EIF4G3: variants seen among roughly 807,000 people sequenced by gnomAD.
EIF4G3 encodes the protein eukaryotic translation initiation factor 4 gamma 3.
A neutral mutation model predicts 186.4 loss-of-function variants in EIF4G3; 34 were observed. That is an observed-to-expected ratio of 0.18 (90% CI 0.14 to 0.24). The LOEUF (loss-of-function observed/expected upper bound fraction) is 0.24. EIF4G3 is among the 10% of genes least tolerant of loss of function. The pLI is 1.00. For missense variants in EIF4G3, 1,536 were observed against 1,948.5 expected, an observed-to-expected ratio of 0.79 and a Z score of 3.99; for synonymous variants, 673 against 679.5, an observed-to-expected ratio of 0.99 and a Z score of 0.15.
chr1:20,860,945 C>T (rs2076186483), intron 23 of EIF4G3, among the ~76,000 whole-genome samples: 1 of 152,182 alleles, frequency 6.6e-6, no homozygotes, highest in South Asian at 2.1e-4. Context: ...CAGATCATAT[C>T]ACATTCCATA....
chr1:20,808,407 C>T (rs910463430), intron 36 of EIF4G3, among the ~76,000 whole-genome samples: 7 of 151,868 alleles, frequency 4.6e-5, no homozygotes, highest in South Asian at 4.2e-4. Context: ...GGTGGCCGGG[C>T]GCGGTGGCTC....
At chr1:21,136,807 C>T (rs2097254151) in intron 2 of EIF4G3, among the ~76,000 whole-genome samples, 2 of 152,156 alleles carry the variant, frequency 1.3e-5, no homozygotes, top group Non-Finnish European at 2.9e-5. Flanking sequence ...AGTATTTACA[C>T]TTGAATATAT....
chr1:21,111,789 A>G (rs2096732112), intron 2 of EIF4G3, among the ~76,000 whole-genome samples: 1 of 152,240 alleles, frequency 6.6e-6, no homozygotes, highest in Non-Finnish European at 1.5e-5. Flanking sequence ...TCCTGAAAGA[A>G]TGTCTCTCTG....
At chr1:21,025,181 A>G (rs1000409521) in intron 4 of EIF4G3, among the ~76,000 whole-genome samples, 1 of 152,216 alleles carries the variant, frequency 6.6e-6, no homozygotes, top group African/African-American at 2.4e-5. Flanking sequence ...ATAGAAGTGC[A>G]TGAGGTAGAG....
chr1:20,979,820 G>A (rs1210060396), intron 10 of EIF4G3, among the ~76,000 whole-genome samples: 5 of 150,234 alleles, frequency 3.3e-5, no homozygotes, highest in African/African-American at 4.9e-5. Context: ...GCGTGATCTC[G>A]GCTCACTGCA....
At chr1:20,823,485 G>A (rs1406200408) in intron 33 of EIF4G3, among the ~76,000 whole-genome samples, 1 of 151,988 alleles carries the variant, frequency 6.6e-6, no homozygotes, top group Non-Finnish European at 1.5e-5. Flanking sequence ...ACGCTCTAGT[G>A]ATCCTTCTGC....
chr1:20,962,907 TG>T (rs67167099), intron 12 of EIF4G3, among the ~76,000 whole-genome samples: 42 of 118,998 alleles, frequency 3.5e-4, no homozygotes, highest in East Asian at 6.3e-4. Context: ...CTTGTAGTTT[TG>T]TTTTTTTTTT....
chr1:20,828,291 A>G (rs1416678595), intron 31 of EIF4G3, among the ~76,000 whole-genome samples: 2 of 152,022 alleles, frequency 1.3e-5, no homozygotes, highest in Non-Finnish European at 2.9e-5. Context: ...CGGCCTCCCA[A>G]AGTGCTGGGA....
At position 21,065,161 on chromosome 1, in the gene EIF4G3, T is replaced by C. The variant is rs997074387; in HGVS notation, c.-195-14167A>G. 3.3e-5 allele frequency among the ~76,000 whole-genome samples: 5 copies of C among 152,206 alleles called. No homozygotes were observed. The East Asian group carries it at 9.6e-4, about 29-fold the overall frequency. On this transcript the variant is annotated intron_variant, in intron 3 of 36. Transcript: ENST00000602326. ...GGTATTAATAAATCTCAGATTTTAG[T>C]ATTCAACTATAAGCATAAATTCAAT...
At chr1:21,040,687 G>C (rs1478104088) in intron 4 of EIF4G3, among the ~76,000 whole-genome samples, 1 of 152,222 alleles carries the variant, frequency 6.6e-6, no homozygotes, top group African/African-American at 2.4e-5. Context: ...TAATTTAACT[G>C]TGTTGTTATT....
intron 12 of EIF4G3, among the ~76,000 whole-genome samples, chr1:20,964,996 C>G (rs2074293485): frequency 6.6e-6 from 1 of 152,192 alleles, no homozygotes; most frequent in Non-Finnish European, 1.5e-5. Context: ...GTCTTCAGAG[C>G]TCCCCTATCA....
chr1:20,999,180 G>A (rs1000927728), intron 6 of EIF4G3, among the ~76,000 whole-genome samples: 1 of 152,156 alleles, frequency 6.6e-6, no homozygotes, highest in Non-Finnish European at 1.5e-5. Context: ...GTGCATTAAT[G>A]ACCTACAAGC....
chr1:20,813,475 G>A (rs2059672940), intron 34 of EIF4G3, among the ~76,000 whole-genome samples: 1 of 151,878 alleles, frequency 6.6e-6, no homozygotes, highest in Non-Finnish European at 1.5e-5. Context: ...AGACTAAGGT[G>A]GGAGGACTGC....
At chr1:20,844,064 C>T (rs1434172170) in intron 29 of EIF4G3, among the ~76,000 whole-genome samples, 1 of 152,124 alleles carries the variant, frequency 6.6e-6, no homozygotes, top group Non-Finnish European at 1.5e-5. Flanking sequence ...CGTTGATGGG[C>T]ATTTAGGTTG....
chr1:20,821,095 CA>C (rs1012350355), intron 33 of EIF4G3, among the ~76,000 whole-genome samples: 3 of 151,868 alleles, frequency 2.0e-5, no homozygotes, highest in African/African-American at 7.3e-5. Flanking sequence ...GGTTTCTGGC[CA>C]AAAAAATCGA....
intron 2 of EIF4G3, among the ~76,000 whole-genome samples, chr1:21,092,533 T>A (rs1339370475): frequency 6.6e-6 from 1 of 152,080 alleles, no homozygotes; most frequent in Non-Finnish European, 1.5e-5. Flanking sequence ...CCCAAGGTAA[T>A]TTATAGATTC....
intron 4 of EIF4G3, among the ~76,000 whole-genome samples, chr1:21,034,225 G>T (rs972485514): frequency 7.2e-5 from 11 of 152,100 alleles, no homozygotes; most frequent in African/African-American, 2.7e-4. Context: ...CAACACCAGG[G>T]ACATTAGTAC....
intron 2 of EIF4G3, among the ~76,000 whole-genome samples, chr1:21,153,723 C>T (rs895156090): frequency 6.6e-5 from 10 of 152,158 alleles, no homozygotes; most frequent in African/African-American, 1.9e-4. Context: ...TGCCACCACA[C>T]CCGACTAATT....
chr1:20,829,616 A>C (rs553190543), intron 30 of EIF4G3, among the ~76,000 whole-genome samples: 132 of 152,316 alleles, frequency 8.7e-4, no homozygotes, highest in Non-Finnish European at 1.7e-3. Context: ...TTCTAGGGGA[A>C]AAATTATCCA....
Sources: gnomAD v4.1 joint callset for allele counts (sites outside exome capture counted in the v4.1 genomes callset) on GRCh38, gnomAD v4.1.1 for gene constraint, MANE v1.5 for transcripts, NCBI Gene and HGNC (gene_info 2026-07-23, HGNC 2026-07-21) for gene names.